Variants in MMP26 observed in about 807,000 individuals in gnomAD.
MMP26 encodes matrix metallopeptidase 26.
A neutral mutation model predicts 31.0 loss-of-function variants in MMP26; 33 were observed. The ratio of observed to expected loss-of-function variants is 1.06; its 90% CI spans 0.81 to 1.42. The LOEUF is 1.42. Among genes scored for constraint, MMP26 ranks in the 40% most tolerant of loss-of-function variants. The pLI is 0.00. For missense variants in MMP26, 347 were observed against 316.1 expected, an observed-to-expected ratio of 1.10 and a Z score of -0.74; for synonymous variants, 122 against 114.9, an observed-to-expected ratio of 1.06 and a Z score of -0.40.
chr11:4,797,888 C>G lies in MMP26; in HGVS notation c.-145+30547C>G, dbSNP rs148527869. ...GCTCTGATTTTTGCTTATTTGTTTG[C>G]TTGTTTTTCCCATTCTCTGCCACTA... is the stretch of plus-strand genomic sequence containing the variant. On this transcript the variant is annotated intron_variant, in intron 2 of 7. Coordinates refer to ENST00000380390, the MANE Select transcript of MMP26 (RefSeq NM_021801.5). Among the ~76,000 whole-genome samples, 678 of 152,258 alleles carry G rather than the reference C, an allele frequency of 4.5e-3. 4 individuals carry two copies. Among genetic ancestry groups the G allele is most frequent in the African/African-American group, 0.015 (609 of 41,566 alleles).
At chr11:4,769,119 C>G (rs1848672216) in intron 2 of MMP26, 1 of 1,606,560 alleles carries the variant, frequency 6.2e-7, no homozygotes, top group Non-Finnish European at 8.5e-7. Context: ...GCTGACCGAC[C>G]ATAGCGATAC....
At chr11:4,910,545 C>T (rs1178338451) in intron 2 of MMP26, among the ~76,000 whole-genome samples, 2 of 152,086 alleles carry the variant, frequency 1.3e-5, no homozygotes, top group Non-Finnish European at 2.9e-5. Flanking sequence ...GCTAGATGTA[C>T]TGTATTCATC....
intron 2 of MMP26, chr11:4,803,813 A>C: frequency 6.2e-7 from 1 of 1,612,722 alleles, no homozygotes; most frequent in Non-Finnish European, 8.5e-7. Flanking sequence ...GCACACACCA[A>C]CTTCAGCACA....
chr11:4,859,573 G>T, intron 2 of MMP26: 1 of 378,240 alleles, frequency 2.6e-6, no homozygotes, highest in South Asian at 2.0e-5. Context: ...TCTTCCAGTG[G>T]ATACTTACTC....
rs371757115 is a variant in MMP26 at position 4,908,481 on chromosome 11, AG to A, written c.-144-79586del. The A allele has an allele frequency of 2.8e-4, 184 of 656,780 alleles. 1 individual carries two copies. Among genetic ancestry groups the A allele is most frequent in the Middle Eastern group, 4.0e-4 (1 of 2,484 alleles). 40.7% of individuals were successfully genotyped at this position (656,780 alleles called of 1,614,324 possible). On this transcript the variant is annotated intron_variant, in intron 2 of 7. Transcript: ENST00000380390. ...TATAACTGAACAGGATAGAAAAAAA[AG>A]TCAAGAGATATATAAGATATAGAGG...
At chr11:4,856,596 G>A (rs1057283147) in intron 2 of MMP26, among the ~76,000 whole-genome samples, 4 of 152,126 alleles carry the variant, frequency 2.6e-5, no homozygotes, top group African/African-American at 9.7e-5. Context: ...CCTACAAAGA[G>A]ACTTAGACTC....
At chr11:4,762,064 C>T (rs1848575096) in intron 1 of MMP26, among the ~76,000 whole-genome samples, 1 of 151,966 alleles carries the variant, frequency 6.6e-6, no homozygotes, top group Non-Finnish European at 1.5e-5. Flanking sequence ...TATTGTTTTC[C>T]AGTCAGGTAC....
intron 2 of MMP26, among the ~76,000 whole-genome samples, chr11:4,986,857 G>C (rs1315074181): frequency 6.9e-6 from 1 of 145,360 alleles, no homozygotes; most frequent in African/African-American, 2.6e-5. Context: ...TTAAGTAGCA[G>C]AGTTAGGACT....
At chr11:4,804,563 A>T in intron 2 of MMP26, 1 of 774,388 alleles carries the variant, frequency 1.3e-6, no homozygotes, top group Non-Finnish European at 2.4e-6. Context: ...TTACAACATG[A>T]CATGATGTTA....
In MMP26 at chr11:4,991,438, T is replaced by C. The variant is rs1378244723; in HGVS notation, c.537T>C (p.Ser179=). Reference sequence around the variant, plus strand: ...TAGGCCATGCCTTTTTACCAAATTCTGGAAATCCTGGAGTTGTCCATTTTG... The same window carrying C: ...TAGGCCATGCCTTTTTACCAAATTCCGGAAATCCTGGAGTTGTCCATTTTG... The part of the protein sequence containing the change: ...GILGHAFLPN[S]GNPGVVHFDK... The change falls in exon 6 of 8, where the codon TCT becomes TCC. Residue 179 remains serine, a synonymous_variant. Coordinates refer to ENST00000380390, the MANE Select transcript of MMP26 (RefSeq NM_021801.5). 6.2e-7 allele frequency: 1 copy of C among 1,613,948 alleles called. No individual in the cohort carries two copies. The highest frequency in any genetic ancestry group is 8.5e-7 in the Non-Finnish European group (1 of 1,179,922).
intron 2 of MMP26, among the ~76,000 whole-genome samples, chr11:4,771,852 C>T (rs777172724): frequency 2.6e-5 from 4 of 152,084 alleles, no homozygotes; most frequent in Non-Finnish European, 5.9e-5. Context: ...TTATGTGGAT[C>T]GATGAGGACA....
chr11:4,923,704 G>A, intron 2 of MMP26: 1 of 1,614,056 alleles, frequency 6.2e-7, no homozygotes, highest in Non-Finnish European at 8.5e-7. Context: ...TGAGCAGGGA[G>A]TCCACACCCA....
Position 4,840,668 on chromosome 11 carries a change from T to G in MMP26, c.-145+73327T>G, listed in dbSNP as rs913750260. On this transcript the variant is annotated intron_variant, in intron 2 of 7. Transcript: ENST00000380390. Reference sequence around the variant, plus strand: ...TACAACTTAGATCACAACACCCAAGTCCCTTGAAATATCTATAAAGCCATC... The same window carrying G: ...TACAACTTAGATCACAACACCCAAGGCCCTTGAAATATCTATAAAGCCATC... 7.9e-5 allele frequency among the ~76,000 whole-genome samples: 12 copies of G among 152,194 alleles called. No homozygotes were observed. In the South Asian group the frequency reaches 2.3e-3, roughly 29 times the overall value.
At chr11:4,827,466 T>C (rs1849591998) in intron 2 of MMP26, among the ~76,000 whole-genome samples, 1 of 151,982 alleles carries the variant, frequency 6.6e-6, no homozygotes, top group Non-Finnish European at 1.5e-5. Context: ...GGCCAAGTCT[T>C]TTAGAAAGTA....
intron 2 of MMP26, among the ~76,000 whole-genome samples, chr11:4,858,100 C>A (rs947851757): frequency 1.3e-5 from 2 of 152,096 alleles, no homozygotes; most frequent in African/African-American, 4.8e-5. Flanking sequence ...CTATTTATGA[C>A]AGACCCAGAG....
At chr11:4,772,652 A>G (rs17227484) in intron 2 of MMP26, among the ~76,000 whole-genome samples, 14,490 of 152,206 alleles carry the variant, frequency 0.095, 851 homozygotes, top group Middle Eastern at 0.15. Context: ...TAATACTTTC[A>G]AGCACCTGAT....
intron 2 of MMP26, among the ~76,000 whole-genome samples, chr11:4,907,170 A>T (rs965107335): frequency 6.6e-6 from 1 of 151,218 alleles, no homozygotes; most frequent in African/African-American, 2.4e-5. Context: ...AAGTGAATTT[A>T]CCATGCTGGA....
chr11:4,708,264 A>G (rs1170641324), intron 1 of MMP26, among the ~76,000 whole-genome samples: 1 of 152,168 alleles, frequency 6.6e-6, no homozygotes, highest in Admixed American at 6.5e-5. Context: ...CAAAATTTCC[A>G]GCCACTATCT....
Position 4,936,527 on chromosome 11 carries a change from A to G in MMP26, c.-144-51541A>G, listed in dbSNP as rs1846115063. Among the ~76,000 whole-genome samples, 5 of 152,298 alleles carry G rather than the reference A, an allele frequency of 3.3e-5. No homozygotes were observed. In the South Asian group the frequency reaches 8.3e-4, roughly 25 times the overall value. On this transcript the variant is annotated intron_variant, in intron 2 of 7. Coordinates refer to ENST00000380390, the MANE Select transcript of MMP26 (RefSeq NM_021801.5). Reference sequence around the variant, plus strand: ...GCTGGAAATGGTCAGGGAAGGCTTCATAGTGAAAATGCAGTCTTACTTAGA... The same window carrying G: ...GCTGGAAATGGTCAGGGAAGGCTTCGTAGTGAAAATGCAGTCTTACTTAGA...
Sources: allele counts gnomAD v4.1 joint callset (sites outside exome capture counted in the v4.1 genomes callset), GRCh38; gene constraint gnomAD v4.1.1; transcripts MANE v1.5; gene names NCBI Gene and HGNC (gene_info 2026-07-23, HGNC 2026-07-21).